Variants in R3HDM2 observed in about 807,000 individuals in gnomAD.
R3HDM2 encodes R3H domain containing 2.
Under a neutral mutation model 124.5 loss-of-function variants are expected in R3HDM2, and 38 were observed. The ratio of observed to expected loss-of-function variants is 0.31; its 90% CI spans 0.24 to 0.40. R3HDM2 has a LOEUF of 0.40. R3HDM2 is among the 10% of genes least tolerant of loss of function. R3HDM2 has a pLI of 1.00. For synonymous variants in R3HDM2, 391 were observed against 448.0 expected, an observed-to-expected ratio of 0.87 and a Z score of 1.61; for missense variants, 869 against 1,236.9, an observed-to-expected ratio of 0.70 and a Z score of 4.46.
intron 19 of R3HDM2, among the ~76,000 whole-genome samples, chr12:57,263,382 GGA>G (rs777155577): frequency 7.2e-5 from 11 of 152,186 alleles, no homozygotes; most frequent in Non-Finnish European, 1.5e-4. Flanking sequence ...GCAGACACTA[GGA>G]GAAACAGCCA....
intron 13 of R3HDM2, among the ~76,000 whole-genome samples, chr12:57,282,561 G>C (rs572016581): frequency 6.6e-6 from 1 of 152,206 alleles, no homozygotes; most frequent in African/African-American, 2.4e-5. Context: ...TTGGGAGTCT[G>C]AGGTGGGAGG....
intron 2 of R3HDM2, among the ~76,000 whole-genome samples, chr12:57,386,533 C>T (rs950185929): frequency 6.6e-6 from 1 of 152,254 alleles, no homozygotes; most frequent in Non-Finnish European, 1.5e-5. Flanking sequence ...CTGCAGCCCG[C>T]CATGCCTGAG....
intron 19 of R3HDM2, among the ~76,000 whole-genome samples, chr12:57,263,609 CAGA>C (rs2041451435): frequency 6.6e-6 from 1 of 152,166 alleles, no homozygotes; most frequent in African/African-American, 2.4e-5. Flanking sequence ...GCTGGGATTA[CAGA>C]TGTGCACCCC....
intron 11 of R3HDM2, among the ~76,000 whole-genome samples, chr12:57,290,611 T>A (rs1313166207): frequency 2.0e-5 from 3 of 152,158 alleles, no homozygotes; most frequent in African/African-American, 7.2e-5. Context: ...TTGCTACTTT[T>A]TTTTATTTTT....
At chr12:57,386,473 C>G (rs189254071) in intron 2 of R3HDM2, among the ~76,000 whole-genome samples, 96 of 152,326 alleles carry the variant, frequency 6.3e-4, no homozygotes, top group African/African-American at 1.7e-3. Flanking sequence ...CTGCTGTGCT[C>G]GACTTCTTGC....
intron 11 of R3HDM2, among the ~76,000 whole-genome samples, chr12:57,292,223 G>C (rs1285238713): frequency 6.6e-6 from 1 of 152,176 alleles, no homozygotes; most frequent in East Asian, 1.9e-4. Flanking sequence ...ATGGATAGAG[G>C]GAGTGAAAGA....
At chr12:57,386,149 G>C (rs940015419) in intron 2 of R3HDM2, among the ~76,000 whole-genome samples, 1 of 117,330 alleles carries the variant, frequency 8.5e-6, no homozygotes, top group African/African-American at 2.8e-5. Context: ...ACAGCGTGCT[G>C]GCAGCGCTCG....
At chr12:57,285,446 AGT>A (rs34223001) in intron 12 of R3HDM2, among the ~76,000 whole-genome samples, 272 of 147,524 alleles carry the variant, frequency 1.8e-3, no homozygotes, top group African/African-American at 3.9e-3. Context: ...AGAGAGAGAG[AGT>A]GTGTGTGTGT....
chr12:57,289,444 CTT>C (rs2048127538), intron 11 of R3HDM2, among the ~76,000 whole-genome samples: 1 of 152,142 alleles, frequency 6.6e-6, no homozygotes, highest in Admixed American at 6.5e-5. Context: ...GAGAAAGAAA[CTT>C]TGTTTTTGGA....
At chr12:57,339,099 G>A (rs928162865) in intron 2 of R3HDM2, among the ~76,000 whole-genome samples, 5 of 151,784 alleles carry the variant, frequency 3.3e-5, no homozygotes, top group Admixed American at 1.3e-4. Flanking sequence ...GTGTGATCTC[G>A]GTTCACTGCA....
chr12:57,382,098 G>A (rs1165008279), intron 2 of R3HDM2, among the ~76,000 whole-genome samples: 2 of 151,706 alleles, frequency 1.3e-5, no homozygotes, highest in African/African-American at 4.9e-5. Flanking sequence ...TGGGACTACA[G>A]GTATGAGCCA....
chr12:57,387,139 A>C (rs1420624869), intron 2 of R3HDM2, among the ~76,000 whole-genome samples: 1 of 152,130 alleles, frequency 6.6e-6, no homozygotes, highest in African/African-American at 2.4e-5. Context: ...GGGTGGGGTC[A>C]GATAAGAGAA....
chr12:57,260,723 T>G (rs1026470166), intron 19 of R3HDM2, among the ~76,000 whole-genome samples: 1 of 152,194 alleles, frequency 6.6e-6, no homozygotes, highest in African/African-American at 2.4e-5. Context: ...GCTGCAATGC[T>G]GCTGTTTTCA....
intron 2 of R3HDM2, among the ~76,000 whole-genome samples, chr12:57,347,378 TA>T (rs2060197002): frequency 6.6e-6 from 1 of 151,746 alleles, no homozygotes; most frequent in South Asian, 2.1e-4. Context: ...CAGTAACCAA[TA>T]AAAAACCTAT....
chr12:57,414,989 G>C (rs2069428115), intron 1 of R3HDM2, among the ~76,000 whole-genome samples: 2 of 152,138 alleles, frequency 1.3e-5, no homozygotes, highest in African/African-American at 4.8e-5. Flanking sequence ...TTGTGCCAGA[G>C]TGTAAGGAAG....
intron 2 of R3HDM2, among the ~76,000 whole-genome samples, chr12:57,343,187 T>A (rs1381052720): frequency 8.2e-6 from 1 of 121,520 alleles, no homozygotes; most frequent in Admixed American, 7.7e-5. Context: ...CGGGTCTTAA[T>A]TTTTTTTTTT....
At chr12:57,392,929 G>A (rs955620366) in intron 2 of R3HDM2, among the ~76,000 whole-genome samples, 31 of 139,894 alleles carry the variant, frequency 2.2e-4, no homozygotes, top group African/African-American at 6.4e-4. Flanking sequence ...CTCAGTCTCC[G>A]GAGTAGCTGG....
At chr12:57,344,138 C>T (rs2059872027) in intron 2 of R3HDM2, among the ~76,000 whole-genome samples, 1 of 152,094 alleles carries the variant, frequency 6.6e-6, no homozygotes, top group South Asian at 2.1e-4. Context: ...CTCTTCACAC[C>T]TAAAACAATT....
chr12:57,264,035 G>A (rs1592404454), intron 19 of R3HDM2, among the ~76,000 whole-genome samples: 1 of 152,208 alleles, frequency 6.6e-6, no homozygotes, highest in East Asian at 1.9e-4. Context: ...ATGAGGTCAG[G>A]AGATCAGGCC....
Sources: allele counts gnomAD v4.1 joint callset (sites outside exome capture counted in the v4.1 genomes callset), GRCh38; gene constraint gnomAD v4.1.1; transcripts MANE v1.5; gene names NCBI Gene and HGNC (gene_info 2026-07-23, HGNC 2026-07-21).